The following STRN3 variants were observed in gnomAD, a reference collection of about 807,000 sequenced individuals.
The protein encoded by STRN3 is striatin-3.
In STRN3, 29 loss-of-function variants were observed where a neutral mutation model predicts 95.6. That is an observed-to-expected ratio of 0.30 (90% CI 0.23 to 0.41). The LOEUF is 0.41. Among genes scored for constraint, STRN3 ranks in the 10% least tolerant of loss-of-function variants. The pLI is 1.00. For missense variants in STRN3, 890 were observed against 972.1 expected (o/e 0.92, Z 1.12); for synonymous variants, 331 against 357.6 (o/e 0.93, Z 0.84).
intron 7 of STRN3, among the ~76,000 whole-genome samples, chr14:30,929,967 A>AAAACAAAAAAAAAAAAAC (rs1555317341): frequency 1.1e-5 from 1 of 91,122 alleles, no homozygotes; most frequent in African/African-American, 3.8e-5. Flanking sequence ...AAAAAAAAAA[A>AAAACAAAAAAAAAAAAAC]AAAAAAAAAA....
chr14:31,021,637 T>C (rs571734272), intron 1 of STRN3, among the ~76,000 whole-genome samples: 1 of 151,830 alleles, frequency 6.6e-6, no homozygotes, highest in Admixed American at 6.6e-5. Context: ...AGAAAACATA[T>C]GAAGAAAAGT....
intron 1 of STRN3, 140 bp from the exon 2 acceptor site, chr14:30,956,382 A>G (rs924527724): frequency 1.3e-6 from 1 of 763,464 alleles, no homozygotes; most frequent in Non-Finnish European, 2.1e-6. Flanking sequence ...GGGCCAGGCA[A>G]TGGCTCACAC....
intron 1 of STRN3, among the ~76,000 whole-genome samples, chr14:30,974,304 A>C (rs547267282): frequency 6.6e-6 from 1 of 152,322 alleles, no homozygotes; most frequent in East Asian, 1.9e-4. Flanking sequence ...TGAAAAGGTA[A>C]TTAAGAAAAC....
At chr14:31,007,630 C>T (rs886240904) in intron 1 of STRN3, among the ~76,000 whole-genome samples, 4 of 152,064 alleles carry the variant, frequency 2.6e-5, no homozygotes, top group African/African-American at 9.7e-5. Flanking sequence ...TGGTCAGGTG[C>T]AGTGGTTCAC....
At chr14:31,000,516 TAA>T (rs11292937) in intron 1 of STRN3, among the ~76,000 whole-genome samples, 168 of 143,932 alleles carry the variant, frequency 1.2e-3, no homozygotes, top group Middle Eastern at 3.6e-3. Flanking sequence ...CAAGAATCTT[TAA>T]AAAAAAAAAA....
intron 9 of STRN3, among the ~76,000 whole-genome samples, chr14:30,913,919 T>C (rs577983409): frequency 6.7e-6 from 1 of 150,174 alleles, no homozygotes; most frequent in South Asian, 2.2e-4. Context: ...GCTTTGTCTG[T>C]CTAAATCTCT....
At chr14:30,985,396 G>A (rs949362499) in intron 1 of STRN3, among the ~76,000 whole-genome samples, 8 of 151,966 alleles carry the variant, frequency 5.3e-5, no homozygotes, top group African/African-American at 1.9e-4. Context: ...CTGAGGTCGG[G>A]AGTTCGAGAC....
Position 31,026,245 on chromosome 14 carries a change from G to C in STRN3, c.-60C>G. ...ACGCCGACAGCTGGGGGAAGGGCCGGAGAGGGTGGCCCCGCGCTGGCTGCG... is the reference window on the plus strand; with the variant it reads ...ACGCCGACAGCTGGGGGAAGGGCCGCAGAGGGTGGCCCCGCGCTGGCTGCG... On this transcript the variant is annotated 5_prime_UTR_variant, in exon 1 of 18. Coordinates refer to ENST00000357479, the MANE Select transcript of STRN3 (RefSeq NM_001083893.2). 1 of 1,363,474 alleles carries C rather than the reference G, an allele frequency of 7.3e-7. No homozygotes were observed. The highest frequency in any genetic ancestry group is 9.4e-7 in the Non-Finnish European group (1 of 1,066,204). The allele number at this position is 1,363,474 out of a possible 1,614,324, so 84.5% of individuals were successfully genotyped here.
In STRN3 at chr14:31,008,909, C is replaced by T. The variant is rs564828998; in HGVS notation, c.282+16995G>A. ...CAAAAACTAGCTGGGCATAGTGACA[C>T]ACACCTATAGTCTCAGCTACTCAGG... is the stretch of plus-strand genomic sequence containing the variant. On this transcript the variant is annotated intron_variant, in intron 1 of 17. Transcript: ENST00000357479. Among the ~76,000 whole-genome samples, 12 of 151,996 alleles carry T rather than the reference C, an allele frequency of 7.9e-5. No individual in the cohort carries two copies. The East Asian group carries it at 1.9e-3, about 25-fold the overall frequency.
intron 1 of STRN3, among the ~76,000 whole-genome samples, chr14:31,013,133 A>T (rs1354904348): frequency 5.3e-5 from 8 of 151,874 alleles, no homozygotes; most frequent in African/African-American, 1.9e-4. Flanking sequence ...TCAGGTGTGG[A>T]GGCATGTTCC....
intron 1 of STRN3, among the ~76,000 whole-genome samples, chr14:31,023,370 A>G (rs902250763): frequency 2.6e-5 from 4 of 152,206 alleles, no homozygotes; most frequent in Non-Finnish European, 5.9e-5. Flanking sequence ...GTGATCCTTT[A>G]GTTTGGTTCC....
rs368952492 is a variant in STRN3, at chr14:31,007,279, T to C, written c.282+18625A>G. Among the ~76,000 whole-genome samples, 5 of 152,320 alleles carry C rather than the reference T, an allele frequency of 3.3e-5. No homozygotes were observed. The South Asian group carries it at 1.0e-3, about 32-fold the overall frequency. On this transcript the variant is annotated intron_variant, in intron 1 of 17. Coordinates refer to ENST00000357479, the MANE Select transcript of STRN3 (RefSeq NM_001083893.2). ...ATCAGAGCAAGAGAATGGATATCTC[T>C]AGAAAGCAAGTCTTCTCCTCCCCCT... is the stretch of plus-strand genomic sequence containing the variant.
chr14:31,007,054 TAC>T (rs757526316), intron 1 of STRN3, among the ~76,000 whole-genome samples: 7 of 152,046 alleles, frequency 4.6e-5, no homozygotes, highest in South Asian at 2.1e-4. Context: ...GAAAATAAAA[TAC>T]AGACATTTTT....
intron 1 of STRN3, chr14:31,025,153 G>T (rs1357991064): frequency 6.6e-6 from 1 of 152,056 alleles, no homozygotes; most frequent in Non-Finnish European, 1.5e-5. Flanking sequence ...GTCTGGTTTG[G>T]TTTTTTTATA....
intron 1 of STRN3, among the ~76,000 whole-genome samples, chr14:31,006,541 T>TA (rs1201807500): frequency 1.3e-5 from 2 of 151,114 alleles, no homozygotes; most frequent in Non-Finnish European, 3.0e-5. Flanking sequence ...ACTAAAAATA[T>TA]AAAAAAAGGC....
intron 16 of STRN3, among the ~76,000 whole-genome samples, chr14:30,897,968 A>G (rs2138936811): frequency 6.6e-6 from 1 of 152,188 alleles, no homozygotes. Context: ...TAAATCTGTG[A>G]TGGTAAGTTT....
At chr14:30,952,837 A>C (rs1255064663) in intron 3 of STRN3, among the ~76,000 whole-genome samples, 1 of 152,206 alleles carries the variant, frequency 6.6e-6, no homozygotes, top group Non-Finnish European at 1.5e-5. Flanking sequence ...TATAACACAT[A>C]ATCACTGGAG....
chr14:30,995,777 TA>T (rs1179674838), intron 1 of STRN3, among the ~76,000 whole-genome samples: 2 of 152,140 alleles, frequency 1.3e-5, no homozygotes, highest in Non-Finnish European at 2.9e-5. Context: ...AAATTTTAAT[TA>T]GAAAAACTCA....
intron 1 of STRN3, among the ~76,000 whole-genome samples, chr14:31,013,615 T>A (rs963498340): frequency 2.0e-5 from 3 of 151,846 alleles, no homozygotes; most frequent in African/African-American, 7.2e-5. Flanking sequence ...TAATTTTTTT[T>A]AAAGAGACAG....
Sources: allele counts gnomAD v4.1 joint callset (sites outside exome capture counted in the v4.1 genomes callset), GRCh38; gene constraint gnomAD v4.1.1; transcripts MANE v1.5; gene names NCBI Gene and HGNC (gene_info 2026-07-23, HGNC 2026-07-21).